The following NRG2 variants were observed in gnomAD, a reference collection of about 807,000 sequenced individuals.
NRG2 encodes pro-neuregulin-2, membrane-bound isoform.
A neutral mutation model predicts 73.9 loss-of-function variants in NRG2; 27 were observed. The observed-to-expected ratio is 0.37, with a 90% CI of 0.27 to 0.50. The LOEUF (loss-of-function observed/expected upper bound fraction) is 0.50. Among genes scored for constraint, NRG2 ranks in the 20% least tolerant of loss-of-function variants. The pLI is 0.96. For synonymous variants in NRG2, 532 were observed against 541.0 expected (o/e 0.98, Z 0.23); for missense variants, 1,126 against 1,210.1 (o/e 0.93, Z 1.03).
chr5:139,904,377 C>A lies in NRG2; in HGVS notation c.701-16866G>T. The A allele has an allele frequency of 1.3e-6, 2 of 1,582,244 alleles. No individual in the cohort carries two copies. Among genetic ancestry groups the A allele is most frequent in the Non-Finnish European group, 1.7e-6 (2 of 1,171,244 alleles). The stretch of plus-strand genomic sequence containing the variant: ...GGTGCTTCTTGCCGCGGCCGCGGCC[C>A]CTCCTCCTGGACTCCGACATTCTGC... On this transcript the variant is annotated intron_variant, in intron 1 of 9. Transcript: ENST00000361474. This position sits in a 1 kb window ranked among gnomAD's most constrained non-coding sequence, Gnocchi z 6.0.
At chr5:139,911,851 A>C (rs1000349175) in intron 1 of NRG2, among the ~76,000 whole-genome samples, 1 of 152,208 alleles carries the variant, frequency 6.6e-6, no homozygotes, top group African/African-American at 2.4e-5. Flanking sequence ...CGGCACTTAC[A>C]CACCAAGGCC....
At chr5:139,895,027 G>A (rs2127152059) in intron 1 of NRG2, among the ~76,000 whole-genome samples, 1 of 152,308 alleles carries the variant, frequency 6.6e-6, no homozygotes, top group Admixed American at 6.5e-5. Context: ...GGGAGGAGGA[G>A]GAGACAAAAC....
At chr5:139,984,131 G>A (rs2126569859) in intron 1 of NRG2, among the ~76,000 whole-genome samples, 1 of 152,154 alleles carries the variant, frequency 6.6e-6, no homozygotes, top group African/African-American at 2.4e-5. Flanking sequence ...TTCTGGCACA[G>A]TAATCTCAGT....
intron 1 of NRG2, among the ~76,000 whole-genome samples, chr5:139,914,262 G>A (rs1046887132): frequency 2.0e-5 from 3 of 152,156 alleles, no homozygotes; most frequent in African/African-American, 4.8e-5. Flanking sequence ...GGTGGGATGC[G>A]AGCAAGCTAG....
At chr5:139,848,724 C>T in intron 9 of NRG2, 27 bp from the exon 10 acceptor site, 1 of 1,139,980 alleles carries the variant, frequency 8.8e-7, no homozygotes, top group Non-Finnish European at 1.1e-6. Context: ...AGGCATGGGC[C>T]AGGGCCAGGC....
At chr5:139,854,832 A>G (rs542871201) in intron 6 of NRG2, among the ~76,000 whole-genome samples, 4 of 152,220 alleles carry the variant, frequency 2.6e-5, no homozygotes, top group African/African-American at 9.6e-5. Flanking sequence ...GGTTTATCCA[A>G]CAAAGGCACA....
Position 139,852,358 on chromosome 5 carries a change from C to T in NRG2, c.1544+74G>A, listed in dbSNP as rs930597944. ...GAGGGTATTGAATAGCTCTGGATGT[C>T]GGAGTAAGTGGGCACTTTGCGCCAG... On this transcript the variant is annotated intron_variant, in intron 8 of 9. Coordinates refer to ENST00000361474, the MANE Select transcript of NRG2 (RefSeq NM_004883.3). This position sits in a 1 kb window ranked among gnomAD's most constrained non-coding sequence, Gnocchi z 4.4. 58 of 1,556,640 alleles carry T rather than the reference C, an allele frequency of 3.7e-5. 1 individual carries two copies. The highest frequency in any genetic ancestry group is 1.7e-4 in the South Asian group (14 of 81,162).
At chr5:140,005,660 T>A (rs1758838786) in intron 1 of NRG2, among the ~76,000 whole-genome samples, 1 of 152,230 alleles carries the variant, frequency 6.6e-6, no homozygotes, top group Non-Finnish European at 1.5e-5. Flanking sequence ...CAGAACTGCA[T>A]GGAGCCAATA....
intron 5 of NRG2, among the ~76,000 whole-genome samples, chr5:139,863,528 C>T (rs1328818237): frequency 1.3e-5 from 2 of 152,206 alleles, no homozygotes; most frequent in African/African-American, 4.8e-5. Context: ...GATAGCGGCC[C>T]GGTTCCGGAG....
intron 1 of NRG2, among the ~76,000 whole-genome samples, chr5:139,910,670 C>T (rs1765516084): frequency 1.3e-5 from 2 of 152,310 alleles, no homozygotes; most frequent in Admixed American, 6.5e-5. Flanking sequence ...AGCCGCACCA[C>T]CTTGCCATGC....
intron 1 of NRG2, among the ~76,000 whole-genome samples, chr5:139,935,720 G>A (rs907934165): frequency 2.6e-5 from 4 of 152,122 alleles, no homozygotes; most frequent in Non-Finnish European, 5.9e-5. Context: ...AGCACTTTGG[G>A]AGGCCGAGGT....
intron 1 of NRG2, among the ~76,000 whole-genome samples, chr5:139,905,148 C>T (rs532714177): frequency 4.6e-5 from 7 of 152,312 alleles, no homozygotes; most frequent in African/African-American, 1.7e-4. Context: ...CTCCGACAGC[C>T]CAGGCTGCCG....
rs1240548053 is a variant in NRG2, at chr5:140,042,911, G to T, written c.159C>A (p.Asn53Lys). 1 of 1,538,554 alleles carries T rather than the reference G, an allele frequency of 6.5e-7. No individual in the cohort carries two copies. The highest frequency in any genetic ancestry group is 8.7e-7 in the Non-Finnish European group (1 of 1,144,102). The change falls in exon 1 of 10, where the codon AAC (asparagine) becomes AAA (lysine). Residue 53 changes from asparagine to lysine, a missense_variant. By Grantham distance (94) the Asn-to-Lys change is moderately conservative. Around this residue, in one of 3 missense-constraint regions of NRG2, gnomAD observed 185 missense variants for 149.0 expected, o/e 1.24. Transcript: ENST00000361474. ...GCGCAGCGGGACGAGAGATGCTGCTGTTGTTGCTGCTGCTCCTGCTGCTGC... is the reference window on the plus strand; with the variant it reads ...GCGCAGCGGGACGAGAGATGCTGCTTTTGTTGCTGCTGCTCCTGCTGCTGC... ...SGSSSRSSSN[N>K]SSISRPAAPP...
At chr5:139,938,909 G>GAAAGAAAGA (rs1753104631) in intron 1 of NRG2, among the ~76,000 whole-genome samples, 1 of 42,870 alleles carries the variant, frequency 2.3e-5, no homozygotes, top group Admixed American at 2.6e-4. Context: ...AGAAAGAAAA[G>GAAAGAAAGA]AAAGAAAGAA....
At chr5:140,012,500 T>C (rs746409126) in intron 1 of NRG2, among the ~76,000 whole-genome samples, 2 of 152,184 alleles carry the variant, frequency 1.3e-5, no homozygotes, top group Non-Finnish European at 2.9e-5. Context: ...TCTCTAGTCG[T>C]CTTGTGCTCC....
At chr5:139,936,136 G>A (rs1426389348) in intron 1 of NRG2, among the ~76,000 whole-genome samples, 2 of 151,672 alleles carry the variant, frequency 1.3e-5, no homozygotes, top group African/African-American at 2.4e-5. Context: ...GAAAAACAGA[G>A]CAAGTTAAAC....
rs67854211 is a variant in NRG2, at chr5:139,927,764, CAAAAAAAAAA to C, written c.701-40263_701-40254del. The stretch of plus-strand genomic sequence containing the variant: ...GGGCGACAAGAGTGAAACCTTGTCT[CAAAAAAAAAA>C]AAAAAAAAAAAAGTAATCTGGTAAA... On this transcript the variant is annotated intron_variant, in intron 1 of 9. Coordinates refer to ENST00000361474, the MANE Select transcript of NRG2 (RefSeq NM_004883.3). 2.3e-4 allele frequency among the ~76,000 whole-genome samples: 19 copies of C among 82,552 alleles called. 1 individual carries two copies. The highest frequency in any genetic ancestry group is 1.0e-4 in the Non-Finnish European group (4 of 39,320). 54.2% of individuals were successfully genotyped at this position (82,552 alleles called of 152,430 possible).
chr5:139,918,312 G>C (rs1751418634), intron 1 of NRG2, among the ~76,000 whole-genome samples: 1 of 152,144 alleles, frequency 6.6e-6, no homozygotes, highest in African/African-American at 2.4e-5. Context: ...GGATGGATGA[G>C]AAGTACAGGG....
chr5:139,989,106 G>A (rs1285332690), intron 1 of NRG2, among the ~76,000 whole-genome samples: 2 of 152,002 alleles, frequency 1.3e-5, no homozygotes, highest in African/African-American at 2.4e-5. Context: ...TGTACCATAA[G>A]AGCAGACTGT....
Sources: gnomAD v4.1 joint callset for allele counts (sites outside exome capture counted in the v4.1 genomes callset) on GRCh38, gnomAD v4.1.1 for gene constraint, gnomAD v4.1.1 regional missense constraint, Gnocchi (gnomAD v3.1) non-coding constraint, MANE v1.5 for transcripts, NCBI Gene and HGNC (gene_info 2026-07-23, HGNC 2026-07-21) for gene names.